The following LRRC7 variants were observed in gnomAD, a reference collection of about 807,000 sequenced individuals.
LRRC7 encodes leucine-rich repeat-containing protein 7.
Under a neutral mutation model 175.7 loss-of-function variants are expected in LRRC7, and 23 were observed. The ratio of observed to expected loss-of-function variants is 0.13; its 90% CI spans 0.09 to 0.19. LRRC7 has a LOEUF of 0.19. Among genes scored for constraint, LRRC7 ranks in the 10% least tolerant of loss-of-function variants. The pLI, the probability that LRRC7 is intolerant of heterozygous loss-of-function variation, is 1.00. For synonymous variants in LRRC7, 685 were observed against 680.9 expected (o/e 1.01, Z -0.09); for missense variants, 1,354 against 1,904.7 (o/e 0.71, Z 5.38).
Position 70,030,093 on chromosome 1 carries a change from A to G in LRRC7, c.1995+1722A>G, listed in dbSNP as rs116590941. ...ATTCTCACCTAAGTGTATCATTTCTACCTCCTCAAGCCCTCAACTCTGTCC... is the reference window on the plus strand; with the variant it reads ...ATTCTCACCTAAGTGTATCATTTCTGCCTCCTCAAGCCCTCAACTCTGTCC... On this transcript the variant is annotated intron_variant, in intron 18 of 26. Transcript: ENST00000651989. 3.0e-3 allele frequency among the ~76,000 whole-genome samples: 452 copies of G among 152,020 alleles called. 1 individual carries two copies. The highest frequency in any genetic ancestry group is 9.8e-3 in the African/African-American group (406 of 41,446).
At chr1:69,602,823 A>G (rs1647133309) in intron 1 of LRRC7, among the ~76,000 whole-genome samples, 1 of 152,208 alleles carries the variant, frequency 6.6e-6, no homozygotes, top group Non-Finnish European at 1.5e-5. Context: ...ATAAGATTAT[A>G]ATACCTTATT....
At chr1:69,948,552 A>G (rs1430337134) in intron 8 of LRRC7, among the ~76,000 whole-genome samples, 1 of 152,176 alleles carries the variant, frequency 6.6e-6, no homozygotes, top group Non-Finnish European at 1.5e-5. Context: ...GCAGATTTAC[A>G]AACAAGCACA....
At position 70,137,685 on chromosome 1, in the gene LRRC7, C is replaced by T. The variant is rs534843284; in HGVS notation, c.*15798C>T. On this transcript the variant is annotated 3_prime_UTR_variant, in exon 27 of 27. Transcript: ENST00000651989. ...TAAAGAATGCCTGGAACTATGCAGA[C>T]ATAGATCAAGTCTCATGCATGTCAT... Among the ~76,000 whole-genome samples, 108 of 152,334 alleles carry T rather than the reference C, an allele frequency of 7.1e-4. No individual in the cohort carries two copies. The highest frequency in any genetic ancestry group is 4.1e-4 in the Non-Finnish European group (28 of 68,026).
intron 1 of LRRC7, among the ~76,000 whole-genome samples, chr1:69,635,951 T>C (rs1359623968): frequency 6.6e-6 from 1 of 152,036 alleles, no homozygotes; most frequent in Non-Finnish European, 1.5e-5. Flanking sequence ...ATCATGCAGA[T>C]ATTAGTAAAT....
chr1:69,696,215 A>G (rs923707560), intron 2 of LRRC7, among the ~76,000 whole-genome samples: 4 of 152,150 alleles, frequency 2.6e-5, no homozygotes, highest in Non-Finnish European at 4.4e-5. Flanking sequence ...CCAGCACAAC[A>G]GTGTTCCCAG....
intron 2 of LRRC7, among the ~76,000 whole-genome samples, chr1:69,735,639 C>G (rs1668031637): frequency 6.6e-6 from 1 of 152,110 alleles, no homozygotes; most frequent in African/African-American, 2.4e-5. Context: ...TACCCTGACT[C>G]TAACAACTTT....
At chr1:69,741,969 T>G (rs1428031782) in intron 2 of LRRC7, among the ~76,000 whole-genome samples, 2 of 152,014 alleles carry the variant, frequency 1.3e-5, no homozygotes, top group Non-Finnish European at 2.9e-5. Context: ...CCCATATAAA[T>G]TATTCAGAAA....
At chr1:69,572,119 C>T (rs1019838044) in intron 1 of LRRC7, among the ~76,000 whole-genome samples, 1 of 152,028 alleles carries the variant, frequency 6.6e-6, no homozygotes, top group African/African-American at 2.4e-5. Context: ...TTATGACAAG[C>T]CGAGTTACCA....
At chr1:69,596,223 T>C (rs1397587983) in intron 1 of LRRC7, among the ~76,000 whole-genome samples, 3 of 152,170 alleles carry the variant, frequency 2.0e-5, no homozygotes, top group Non-Finnish European at 4.4e-5. Flanking sequence ...GCAATACTAG[T>C]GTCACTACCC....
intron 8 of LRRC7, among the ~76,000 whole-genome samples, chr1:69,942,115 G>T (rs1441253304): frequency 6.6e-6 from 1 of 152,110 alleles, no homozygotes; most frequent in Non-Finnish European, 1.5e-5. Flanking sequence ...TGATGGTCAG[G>T]TGAGTGGGCA....
intron 1 of LRRC7, among the ~76,000 whole-genome samples, chr1:69,572,029 T>C (rs1025760501): frequency 1.3e-5 from 2 of 152,126 alleles, no homozygotes; most frequent in African/African-American, 4.8e-5. Flanking sequence ...ATCCACATTC[T>C]TTTTTGGAGC....
intron 3 of LRRC7, among the ~76,000 whole-genome samples, chr1:69,781,733 A>AGAGAGAG: frequency 4.2e-5 from 1 of 23,542 alleles, no homozygotes; most frequent in African/African-American, 2.5e-4. Context: ...GAAAGAAAGA[A>AGAGAGAG]AGAGAGAGAG....
intron 11 of LRRC7, among the ~76,000 whole-genome samples, chr1:69,995,151 A>G (rs1356641379): frequency 1.3e-5 from 2 of 152,132 alleles, no homozygotes; most frequent in African/African-American, 4.8e-5. Context: ...AAAGTCTAAC[A>G]TTGCCTTTTA....
At chr1:69,822,466 A>G (rs2101219074) in intron 4 of LRRC7, among the ~76,000 whole-genome samples, 1 of 152,308 alleles carries the variant, frequency 6.6e-6, no homozygotes, top group Non-Finnish European at 1.5e-5. Flanking sequence ...AGAATAGTAG[A>G]ATATACAGCT....
intron 1 of LRRC7, among the ~76,000 whole-genome samples, chr1:69,665,165 T>C (rs1370225893): frequency 6.6e-6 from 1 of 152,166 alleles, no homozygotes; most frequent in Non-Finnish European, 1.5e-5. Flanking sequence ...CTGATCTATA[T>C]GTCTGTTTTT....
intron 7 of LRRC7, among the ~76,000 whole-genome samples, chr1:69,843,732 C>T (rs1359527659): frequency 1.3e-5 from 2 of 152,034 alleles, no homozygotes; most frequent in Non-Finnish European, 2.9e-5. Context: ...CAAAAAGATT[C>T]ACTTTAAATT....
chr1:69,907,236 A>T (rs898829724), intron 7 of LRRC7, among the ~76,000 whole-genome samples: 1 of 152,048 alleles, frequency 6.6e-6, no homozygotes, highest in African/African-American at 2.4e-5. Context: ...TCTTTTCCTA[A>T]TCGAATACCC....
At position 70,036,597 on chromosome 1, in the gene LRRC7, C is replaced by G; in HGVS notation, c.2261C>G (p.Ala754Gly). Reference sequence around the variant, plus strand: ...TCCTTGCAGACAACAGCTAAAGATGCAGTACATAATTCTTTGTGGGGTAAC... The same window carrying G: ...TCCTTGCAGACAACAGCTAAAGATGGAGTACATAATTCTTTGTGGGGTAAC... ...VGSLQTTAKD[A>G]VHNSLWGNRI... Residue 754 changes from alanine (A) to glycine (G), a missense_variant, in exon 20 of 27, where the codon GCA becomes GGA. Transcript: ENST00000651989. 6.2e-7 allele frequency: 1 copy of G among 1,613,670 alleles called. No homozygotes were observed.
chr1:69,959,571 A>G (rs1318817917), intron 8 of LRRC7, among the ~76,000 whole-genome samples: 3 of 152,102 alleles, frequency 2.0e-5, no homozygotes, highest in Non-Finnish European at 2.9e-5. Context: ...CAGATTGGTT[A>G]TGAACATAGA....
Sources: gnomAD v4.1 joint callset for allele counts (sites outside exome capture counted in the v4.1 genomes callset) on GRCh38, gnomAD v4.1.1 for gene constraint, MANE v1.5 for transcripts, NCBI Gene and HGNC (gene_info 2026-07-23, HGNC 2026-07-21) for gene names.